Variants in PRR5L observed in about 807,000 individuals in gnomAD.
The protein encoded by PRR5L is proline-rich protein 5-like.
PRR5L carries 21 observed loss-of-function variants against 36.4 expected under a neutral mutation model. The observed-to-expected ratio is 0.58, with a 90% CI of 0.41 to 0.83. The LOEUF is 0.83. Ranked by LOEUF, PRR5L falls within the 40% of genes least tolerant of loss-of-function variation. PRR5L has a pLI of 0.00. For synonymous variants in PRR5L, 188 were observed against 197.0 expected (o/e 0.95, Z 0.38); for missense variants, 381 against 473.3 (o/e 0.80, Z 1.81).
At chr11:36,394,243 A>G (rs891497350) in intron 1 of PRR5L, among the ~76,000 whole-genome samples, 2 of 152,198 alleles carry the variant, frequency 1.3e-5, no homozygotes, top group African/African-American at 4.8e-5. Context: ...GGAAGTGGTG[A>G]CACCAGCCTG....
At chr11:36,349,997 G>A (rs1856910107) in intron 1 of PRR5L, 1 of 152,106 alleles carries the variant, frequency 6.6e-6, no homozygotes, top group African/African-American at 2.4e-5. Flanking sequence ...CAAGGAGGAG[G>A]AAAACATACC....
chr11:36,419,190 A>T, intron 3 of PRR5L, 65 bp from the exon 4 acceptor site: 1 of 1,503,078 alleles, frequency 6.7e-7, no homozygotes, highest in Non-Finnish European at 9.3e-7. Flanking sequence ...TGGTGAGCAC[A>T]TTGTCACCAT....
At chr11:36,411,550 T>G (rs1858027686) in intron 3 of PRR5L, among the ~76,000 whole-genome samples, 1 of 152,130 alleles carries the variant, frequency 6.6e-6, no homozygotes, top group African/African-American at 2.4e-5. Context: ...AAGTGTCCCC[T>G]TCACATTACC....
intron 3 of PRR5L, among the ~76,000 whole-genome samples, chr11:36,418,673 G>A (rs1858199177): frequency 6.6e-6 from 1 of 152,058 alleles, no homozygotes; most frequent in Non-Finnish European, 1.5e-5. Flanking sequence ...GCGGGCGCCT[G>A]TGGTCCCAGC....
intron 1 of PRR5L, among the ~76,000 whole-genome samples, chr11:36,298,772 TC>T (rs1856342117): frequency 6.6e-6 from 1 of 152,182 alleles, no homozygotes; most frequent in Admixed American, 6.5e-5. Flanking sequence ...AAGTCCAAGA[TC>T]AAGGTGTTGG....
chr11:36,432,132 T>A (rs1858509628), intron 5 of PRR5L, among the ~76,000 whole-genome samples: 2 of 150,206 alleles, frequency 1.3e-5, no homozygotes, highest in Admixed American at 6.7e-5. Context: ...CGGGGTGGTT[T>A]CTTTGGAGAC....
intron 1 of PRR5L, among the ~76,000 whole-genome samples, chr11:36,357,213 C>G (rs933838213): frequency 1.3e-5 from 2 of 152,098 alleles, no homozygotes; most frequent in African/African-American, 4.8e-5. Flanking sequence ...GAAGCCTGAG[C>G]AAGGTGAGGA....
chr11:36,453,128 A>T (rs1858978086), intron 8 of PRR5L, among the ~76,000 whole-genome samples: 1 of 152,240 alleles, frequency 6.6e-6, no homozygotes, highest in Non-Finnish European at 1.5e-5. Context: ...TTGCTGGCTG[A>T]TAAGGGTCTA....
At chr11:36,370,005 G>A (rs1857182459) in intron 1 of PRR5L, among the ~76,000 whole-genome samples, 1 of 152,180 alleles carries the variant, frequency 6.6e-6, no homozygotes, top group Non-Finnish European at 1.5e-5. Flanking sequence ...GGCCTTCTAG[G>A]AAATGAACTG....
At position 36,431,909 on chromosome 11, in the gene PRR5L, A is replaced by C; in HGVS notation, c.351A>C (p.Glu117Asp). The C allele has an allele frequency of 6.2e-7, 1 of 1,613,834 alleles. No homozygotes were observed. The highest frequency in any genetic ancestry group is 8.5e-7 in the Non-Finnish European group (1 of 1,179,732). The change falls in exon 5 of 9, where the codon GAA becomes GAC. Residue 117 changes from glutamate to aspartate, a missense_variant and splice_region_variant. Physicochemically the swap from Glu to Asp is conservative, Grantham distance 45. Transcript: ENST00000530639. ...FFVEEKIKLC[E>D]GENRIEVLAE... is the part of the protein sequence containing the mutation. ...TGGAGGAGAAGATCAAGCTGTGTGA[A>C]GGCAAGTACAAGACAGCCCTGGTAG... is the stretch of plus-strand genomic sequence containing the variant.
chr11:36,439,238 G>A (rs925418558), intron 6 of PRR5L, among the ~76,000 whole-genome samples: 5 of 152,046 alleles, frequency 3.3e-5, no homozygotes, highest in African/African-American at 1.2e-4. Context: ...GGCCATTTGT[G>A]TAGGGAATTC....
chr11:36,300,320 G>A (rs2133447239), intron 1 of PRR5L, among the ~76,000 whole-genome samples: 1 of 152,192 alleles, frequency 6.6e-6, no homozygotes, highest in Non-Finnish European at 1.5e-5. Context: ...CGGTGAGAAA[G>A]GGTGCAAGAG....
At chr11:36,382,112 C>G (rs967918184) in intron 1 of PRR5L, among the ~76,000 whole-genome samples, 1 of 152,254 alleles carries the variant, frequency 6.6e-6, no homozygotes, top group African/African-American at 2.4e-5. Context: ...GAGCGGAGAT[C>G]GCGCCACTTC....
At chr11:36,449,763 C>T (rs1333643816) in intron 7 of PRR5L, among the ~76,000 whole-genome samples, 1 of 152,234 alleles carries the variant, frequency 6.6e-6, no homozygotes, top group Non-Finnish European at 1.5e-5. Context: ...TGTTTGGCAG[C>T]CAAGCCAAGG....
intron 4 of PRR5L, among the ~76,000 whole-genome samples, chr11:36,426,525 G>A (rs1190911921): frequency 1.3e-5 from 2 of 152,206 alleles, no homozygotes; most frequent in Non-Finnish European, 2.9e-5. Flanking sequence ...ATTTGTATCA[G>A]TATTTTTATT....
intron 1 of PRR5L, among the ~76,000 whole-genome samples, chr11:36,358,811 G>A (rs533420052): frequency 2.6e-4 from 39 of 152,272 alleles, no homozygotes; most frequent in Middle Eastern, 6.8e-3. Flanking sequence ...AAAAAGGGCT[G>A]GCAAAGGGGA....
At chr11:36,306,476 G>T (rs1565375068) in intron 1 of PRR5L, among the ~76,000 whole-genome samples, 1 of 151,950 alleles carries the variant, frequency 6.6e-6, no homozygotes. Context: ...TCTTAATCCA[G>T]TCTGTCATTG....
intron 1 of PRR5L, among the ~76,000 whole-genome samples, chr11:36,328,774 G>A (rs569379868): frequency 1.3e-5 from 2 of 152,288 alleles, no homozygotes; most frequent in South Asian, 4.1e-4. Context: ...TCTTTAGGAG[G>A]CTCTGCTTTT....
intron 8 of PRR5L, among the ~76,000 whole-genome samples, chr11:36,458,598 G>A (rs1165384854): frequency 1.1e-4 from 16 of 152,220 alleles, no homozygotes; most frequent in African/African-American, 4.8e-5. Context: ...GTCCGATGAC[G>A]GGAGCTGCTG....
Sources: allele counts gnomAD v4.1 joint callset (sites outside exome capture counted in the v4.1 genomes callset), GRCh38; gene constraint gnomAD v4.1.1; transcripts MANE v1.5; gene names NCBI Gene and HGNC (gene_info 2026-07-23, HGNC 2026-07-21).